The following TENM2 variants were observed in gnomAD, a reference collection of about 807,000 sequenced individuals.
TENM2 encodes the protein teneurin transmembrane protein 2.
TENM2 carries 52 observed loss-of-function variants against 245.2 expected under a neutral mutation model. The observed-to-expected ratio is 0.21, with a 90% CI of 0.17 to 0.27. The LOEUF is 0.27. Ranked by LOEUF, TENM2 falls within the 10% of genes least tolerant of loss-of-function variation. The probability of loss-of-function intolerance (pLI) is 1.00; values close to 1 mark genes in which losing one functional copy is unlikely to be tolerated. For missense variants in TENM2, 3,046 were observed against 3,666.8 expected, an observed-to-expected ratio of 0.83 and a Z score of 4.37; for synonymous variants, 1,363 against 1,438.9, an observed-to-expected ratio of 0.95 and a Z score of 1.19.
At chr5:167,962,762 AACTC>A (rs1283906429) in intron 4 of TENM2, among the ~76,000 whole-genome samples, 2 of 152,144 alleles carry the variant, frequency 1.3e-5, no homozygotes, top group Non-Finnish European at 2.9e-5. Context: ...ATCTCATGAG[AACTC>A]ACTCACTATC....
intron 4 of TENM2, among the ~76,000 whole-genome samples, chr5:167,987,668 T>C (rs1783352925): frequency 6.6e-6 from 1 of 152,070 alleles, no homozygotes; most frequent in Non-Finnish European, 1.5e-5. Flanking sequence ...ACCCCATACC[T>C]GGATAGGGCC....
intron 9 of TENM2, among the ~76,000 whole-genome samples, chr5:168,113,187 G>C (rs930206850): frequency 4.6e-5 from 7 of 152,102 alleles, no homozygotes; most frequent in African/African-American, 1.7e-4. Context: ...GGGCATGGTG[G>C]TGCACACCTG....
intron 4 of TENM2, among the ~76,000 whole-genome samples, chr5:167,957,467 A>C (rs1404504278): frequency 1.3e-5 from 2 of 151,948 alleles, no homozygotes; most frequent in Admixed American, 6.5e-5. Flanking sequence ...TCATGTCTCT[A>C]TCTCCTTCAG....
chr5:167,333,086 C>T (rs1032997430), intron 1 of TENM2, among the ~76,000 whole-genome samples: 3 of 152,128 alleles, frequency 2.0e-5, no homozygotes, highest in Non-Finnish European at 4.4e-5. Flanking sequence ...ATTCATAAGC[C>T]ATCAACAAAG....
chr5:167,557,672 AG>A (rs1378140222), intron 2 of TENM2, among the ~76,000 whole-genome samples: 1 of 152,150 alleles, frequency 6.6e-6, no homozygotes, highest in African/African-American at 2.4e-5. Flanking sequence ...CATACCCAGT[AG>A]GGGGGTGATT....
chr5:168,146,860 C>T lies in TENM2; in HGVS notation c.2423-15751C>T, dbSNP rs185645317. ...AACCAGGCTTAATCATTGCACTTTG[C>T]CCCCAGGTAGTTGCAATGGGGTTCT... On this transcript the variant is annotated intron_variant, in intron 12 of 28. Transcript: ENST00000518659. Among the ~76,000 whole-genome samples, 23 of 152,304 alleles carry T rather than the reference C, an allele frequency of 1.5e-4. No homozygotes were observed. In the East Asian group the frequency reaches 4.2e-3, roughly 28 times the overall value.
rs573753556 is a variant in TENM2 at position 167,536,104 on chromosome 5, G to C, written c.502+160631G>C. Among the ~76,000 whole-genome samples the C allele has an allele frequency of 1.7e-4, 26 of 152,240 alleles. No individual in the cohort carries two copies. The South Asian group carries it at 5.0e-3, about 29-fold the overall frequency. The stretch of plus-strand genomic sequence containing the variant: ...GTGAATCCTGGCAAGTAGTTGAACC[G>C]TATGATCTGATACTTGATCATCCTG... On this transcript the variant is annotated intron_variant, in intron 2 of 28. Coordinates refer to ENST00000518659, the Ensembl canonical transcript of TENM2.
At chr5:167,727,915 AC>A (rs1760140572) in intron 2 of TENM2, among the ~76,000 whole-genome samples, 1 of 152,138 alleles carries the variant, frequency 6.6e-6, no homozygotes, top group Non-Finnish European at 1.5e-5. Context: ...GATAAATATT[AC>A]CATTATTTTT....
intron 2 of TENM2, among the ~76,000 whole-genome samples, chr5:167,445,367 A>ACT (rs1765135831): frequency 2.0e-5 from 2 of 98,114 alleles, no homozygotes; most frequent in East Asian, 5.9e-4. Context: ...AGAGAGAGAG[A>ACT]GAGTGTCAGG....
intron 2 of TENM2, among the ~76,000 whole-genome samples, chr5:167,714,430 C>G (rs1742297259): frequency 6.6e-6 from 1 of 152,096 alleles, no homozygotes; most frequent in African/African-American, 2.4e-5. Context: ...CTGATGTCTG[C>G]TAAGTCTCTA....
intron 2 of TENM2, among the ~76,000 whole-genome samples, chr5:167,806,876 C>G (rs1766216573): frequency 6.6e-6 from 1 of 151,822 alleles, no homozygotes; most frequent in South Asian, 2.1e-4. Flanking sequence ...TAATCATGGA[C>G]AGGGCTAACT....
At chr5:167,227,120 T>TA in the TENM2 span, among the ~76,000 whole-genome samples, 1 of 142,152 alleles carries the variant, frequency 7.0e-6, no homozygotes, top group African/African-American at 2.7e-5. Context: ...TAATTTTTTT[T>TA]ATTCATTCAG....
chr5:167,032,048 C>A, the TENM2 span, among the ~76,000 whole-genome samples: 1 of 152,088 alleles, frequency 6.6e-6, no homozygotes. Flanking sequence ...GTGAACTTTG[C>A]GGCTAATGTT....
the TENM2 span, among the ~76,000 whole-genome samples, chr5:167,216,698 C>T: frequency 1.3e-5 from 2 of 152,078 alleles, no homozygotes; most frequent in South Asian, 4.1e-4. Flanking sequence ...GGCCAAGGCC[C>T]TTGGATCACT....
intron 13 of TENM2, among the ~76,000 whole-genome samples, chr5:168,184,951 T>C (rs1461964208): frequency 1.3e-5 from 2 of 152,198 alleles, no homozygotes; most frequent in Non-Finnish European, 2.9e-5. Context: ...GAAAGGGGAT[T>C]GTGTCTCACA....
chr5:167,584,391 A>G (rs773342579), intron 2 of TENM2, among the ~76,000 whole-genome samples: 11 of 152,128 alleles, frequency 7.2e-5, no homozygotes, highest in African/African-American at 9.7e-5. Context: ...GGAGGAGGTG[A>G]CCAGTCAGAT....
At chr5:167,592,063 A>G (rs757833997) in intron 2 of TENM2, among the ~76,000 whole-genome samples, 2 of 152,184 alleles carry the variant, frequency 1.3e-5, no homozygotes, top group Non-Finnish European at 1.5e-5. Context: ...CAGAATGAGG[A>G]CAAGCGTTCA....
At chr5:167,653,616 T>C (rs1754628855) in intron 2 of TENM2, 1 of 152,160 alleles carries the variant, frequency 6.6e-6, no homozygotes, top group Non-Finnish European at 1.5e-5. Flanking sequence ...ACTTTTATTT[T>C]TGCATCCCCA....
At chr5:167,770,663 G>A (rs1478142982) in intron 2 of TENM2, among the ~76,000 whole-genome samples, 4 of 152,138 alleles carry the variant, frequency 2.6e-5, no homozygotes, top group Non-Finnish European at 5.9e-5. Flanking sequence ...TTGACTCACA[G>A]CATTATTATC....
Sources: gnomAD v4.1 joint callset for allele counts (sites outside exome capture counted in the v4.1 genomes callset) on GRCh38, gnomAD v4.1.1 for gene constraint, MANE v1.5 for transcripts, NCBI Gene and HGNC (gene_info 2026-07-23, HGNC 2026-07-21) for gene names.